Variants in MYO1D observed in about 807,000 individuals in gnomAD.
MYO1D encodes myosin ID.
Under a neutral mutation model 122.0 loss-of-function variants are expected in MYO1D, and 83 were observed. That is an observed-to-expected ratio of 0.68 (90% confidence interval 0.57 to 0.82). The LOEUF is 0.82. Among genes scored for constraint, MYO1D ranks in the 40% least tolerant of loss-of-function variants. The pLI, the probability that MYO1D is intolerant of heterozygous loss-of-function variation, is 0.00. For synonymous variants in MYO1D, 464 were observed against 446.9 expected (o/e 1.04, Z -0.48); for missense variants, 1,157 against 1,269.5 (o/e 0.91, Z 1.35).
At chr17:32,543,710 T>G (rs1258208288) in intron 21 of MYO1D, among the ~76,000 whole-genome samples, 1 of 152,200 alleles carries the variant, frequency 6.6e-6, no homozygotes, top group Non-Finnish European at 1.5e-5. Context: ...CTGTGGAGTG[T>G]GCCTAGCACA....
chr17:32,641,575 C>A (rs1347848846), intron 19 of MYO1D, among the ~76,000 whole-genome samples: 1 of 152,218 alleles, frequency 6.6e-6, no homozygotes, highest in Non-Finnish European at 1.5e-5. Context: ...TCCTATTTCT[C>A]CACATCCTCT....
At chr17:32,763,276 C>T (rs1325842742) in intron 8 of MYO1D, among the ~76,000 whole-genome samples, 2 of 151,736 alleles carry the variant, frequency 1.3e-5, no homozygotes, top group African/African-American at 4.8e-5. Flanking sequence ...TTCAAATTCC[C>T]CCAAAACTAA....
intron 20 of MYO1D, among the ~76,000 whole-genome samples, chr17:32,612,827 G>C (rs886767441): frequency 6.6e-6 from 1 of 151,790 alleles, no homozygotes; most frequent in Non-Finnish European, 1.5e-5. Context: ...GGAGTGCAGT[G>C]GCACGATCTC....
At chr17:32,552,516 A>C (rs1597892847) in intron 21 of MYO1D, among the ~76,000 whole-genome samples, 1 of 138,054 alleles carries the variant, frequency 7.2e-6, no homozygotes, top group African/African-American at 2.8e-5. Context: ...TCATCTGTTC[A>C]CCTCCCCTTT....
intron 20 of MYO1D, among the ~76,000 whole-genome samples, chr17:32,634,424 T>C (rs911448554): frequency 6.6e-6 from 1 of 152,220 alleles, no homozygotes; most frequent in Non-Finnish European, 1.5e-5. Context: ...TTACTTAACC[T>C]ATCACTGGTG....
At chr17:32,722,575 T>C (rs2089525001) in intron 14 of MYO1D, among the ~76,000 whole-genome samples, 1 of 152,104 alleles carries the variant, frequency 6.6e-6, no homozygotes, top group African/African-American at 2.4e-5. Context: ...GGACTCGTGA[T>C]AGCACTGGGC....
chr17:32,875,682 T>C lies in MYO1D; in HGVS notation c.95+1096A>G, dbSNP rs147260359. The stretch of plus-strand genomic sequence containing the variant: ...AACATCCTATCATTATGCTGGTATG[T>C]AATCAACCTGATTGACCCCTGTCAA... On this transcript the variant is annotated intron_variant, in intron 1 of 21. Transcript: ENST00000318217. Among the ~76,000 whole-genome samples, 76 of 152,358 alleles carry C rather than the reference T, an allele frequency of 5.0e-4. 1 individual carries two copies. In the East Asian group the frequency reaches 0.012, roughly 24 times the overall value.
chr17:32,616,198 A>C (rs1206575382), intron 20 of MYO1D, among the ~76,000 whole-genome samples: 1 of 152,206 alleles, frequency 6.6e-6, no homozygotes, highest in East Asian at 1.9e-4. Flanking sequence ...ACTCTACTTA[A>C]GGAACTGTGC....
intron 14 of MYO1D, among the ~76,000 whole-genome samples, chr17:32,731,509 G>C (rs1010860352): frequency 2.6e-5 from 4 of 152,082 alleles, no homozygotes; most frequent in African/African-American, 7.2e-5. Flanking sequence ...TTGTTGTTTA[G>C]TTTGCCTTTT....
chr17:32,783,768 G>A (rs2090264097), intron 1 of MYO1D, among the ~76,000 whole-genome samples: 1 of 152,040 alleles, frequency 6.6e-6, no homozygotes. Context: ...AAAGCCATAG[G>A]GTAGTAAGTA....
intron 1 of MYO1D, among the ~76,000 whole-genome samples, chr17:32,833,992 T>C (rs1201005299): frequency 6.6e-6 from 1 of 152,152 alleles, no homozygotes; most frequent in Non-Finnish European, 1.5e-5. Context: ...TGCTTCTTTA[T>C]CATTATTTTT....
rs765942041 is a variant in MYO1D, at chr17:32,733,478, C to T, written c.1746+4775G>A. 4.6e-5 allele frequency among the ~76,000 whole-genome samples: 7 copies of T among 152,160 alleles called. 1 individual carries two copies. In the South Asian group the frequency reaches 1.2e-3, roughly 27 times the overall value. On this transcript the variant is annotated intron_variant, in intron 14 of 21. Transcript: ENST00000318217. ...AAATTCCCAAGAGAGATTCACACCC[C>T]CTCCACCCATGGCTGAGTGCCAAGG...
At chr17:32,787,015 C>CA (rs200296900) in intron 1 of MYO1D, among the ~76,000 whole-genome samples, 83 of 146,848 alleles carry the variant, frequency 5.7e-4, no homozygotes, top group Middle Eastern at 3.5e-3. Context: ...GCAAAGAATA[C>CA]AAAAAAAAAT....
chr17:32,786,860 G>T (rs2090301016), intron 1 of MYO1D, among the ~76,000 whole-genome samples: 1 of 151,956 alleles, frequency 6.6e-6, no homozygotes, highest in Admixed American at 6.6e-5. Context: ...CCAGAATGGG[G>T]CACATGATAA....
chr17:32,600,010 G>A (rs888526622), intron 21 of MYO1D, among the ~76,000 whole-genome samples: 7 of 152,128 alleles, frequency 4.6e-5, no homozygotes, highest in Non-Finnish European at 1.0e-4. Flanking sequence ...CTTTATCCAC[G>A]GGCTGCACAA....
intron 1 of MYO1D, among the ~76,000 whole-genome samples, chr17:32,825,737 C>T (rs1467230285): frequency 6.6e-6 from 1 of 152,072 alleles, no homozygotes; most frequent in African/African-American, 2.4e-5. Context: ...TATTAAAATG[C>T]TATAAAAATG....
At chr17:32,736,426 T>C (rs573409747) in intron 14 of MYO1D, among the ~76,000 whole-genome samples, 1 of 152,312 alleles carries the variant, frequency 6.6e-6, no homozygotes, top group South Asian at 2.1e-4. Flanking sequence ...CCAGCTGCCA[T>C]CATGGACCAG....
chr17:32,606,357 G>T (rs1367780791), intron 20 of MYO1D, among the ~76,000 whole-genome samples: 1 of 152,118 alleles, frequency 6.6e-6, no homozygotes, highest in Non-Finnish European at 1.5e-5. Context: ...CTTTGAAGCT[G>T]GCATTATTCT....
At chr17:32,638,470 A>C (rs558830922) in intron 20 of MYO1D, among the ~76,000 whole-genome samples, 1 of 152,382 alleles carries the variant, frequency 6.6e-6, no homozygotes, top group African/African-American at 2.4e-5. Flanking sequence ...TAAACAGTGG[A>C]TCAGGAATAG....
Sources: allele counts gnomAD v4.1 joint callset (sites outside exome capture counted in the v4.1 genomes callset), GRCh38; gene constraint gnomAD v4.1.1; transcripts MANE v1.5; gene names NCBI Gene and HGNC (gene_info 2026-07-23, HGNC 2026-07-21).